CUEDC1: variants seen among roughly 807,000 people sequenced by gnomAD.
CUEDC1 encodes CUE domain containing 1.
Under a neutral mutation model 43.7 loss-of-function variants are expected in CUEDC1, and 30 were observed. That is an observed-to-expected ratio of 0.69 (90% confidence interval 0.51 to 0.93). CUEDC1 has a LOEUF of 0.93. Ranked by LOEUF, CUEDC1 falls within the 40% of genes least tolerant of loss-of-function variation. CUEDC1 has a pLI of 0.00. For missense variants in CUEDC1, 486 were observed against 549.0 expected (o/e 0.89, Z 1.15); for synonymous variants, 223 against 223.6 (o/e 1.00, Z 0.02).
rs2074282429 is a variant in CUEDC1, at chr17:57,885,761, G to T, written c.-197C>A. The stretch of plus-strand genomic sequence containing the variant: ...GAGTACGGGCGCGGGGCCCCAGGCA[G>T]CCCTTGGAGAGCGGTCCTCGCGGGG... On this transcript the variant is annotated 5_prime_UTR_variant, in exon 2 of 11. In the 5' UTR this introduces an upstream ATG that the reference lacks. Transcript: ENST00000577830. 2 of 826,682 alleles carry T rather than the reference G, an allele frequency of 2.4e-6. No individual in the cohort carries two copies. Among genetic ancestry groups the T allele is most frequent in the Non-Finnish European group, 3.3e-6 (2 of 614,354 alleles). 51.2% of individuals were successfully genotyped at this position (826,682 alleles called of 1,614,324 possible). A position where few individuals can be genotyped will look rare whatever the true frequency, so the allele number is the denominator to read the frequency against.
intron 1 of CUEDC1, among the ~76,000 whole-genome samples, chr17:57,929,178 C>T (rs1443361045): frequency 6.6e-6 from 1 of 152,130 alleles, no homozygotes; most frequent in African/African-American, 2.4e-5. Context: ...TATTATCAAG[C>T]CCAAATTCTG....
At chr17:57,915,357 A>G (rs1189440782) in intron 1 of CUEDC1, among the ~76,000 whole-genome samples, 1 of 151,950 alleles carries the variant, frequency 6.6e-6, no homozygotes, top group Non-Finnish European at 1.5e-5. Context: ...CCCCTCAGGC[A>G]ACTGGGCTCT....
intron 2 of CUEDC1, among the ~76,000 whole-genome samples, chr17:57,882,709 G>A (rs1051037877): frequency 6.6e-5 from 10 of 152,154 alleles, no homozygotes; most frequent in Non-Finnish European, 7.4e-5. Context: ...GTGAGAAGAT[G>A]AGGATGAAGC....
chr17:57,931,658 A>G (rs762613662), intron 1 of CUEDC1, among the ~76,000 whole-genome samples: 9 of 152,106 alleles, frequency 5.9e-5, no homozygotes, highest in Admixed American at 1.3e-4. Flanking sequence ...TGGCTGACAG[A>G]TCTCCTTCTC....
In CUEDC1 at chr17:57,930,016, T is replaced by G. The variant is rs1358028422; in HGVS notation, c.-316+25209A>C. ...CAGGGTTTCACCATGTTTGTCGGGCTGGTATCGAACTCCTGCCCTCAGGTG... is the reference window on the plus strand; with the variant it reads ...CAGGGTTTCACCATGTTTGTCGGGCGGGTATCGAACTCCTGCCCTCAGGTG... On this transcript the variant is annotated intron_variant, in intron 1 of 10. Coordinates refer to ENST00000577830, the MANE Select transcript of CUEDC1 (RefSeq NM_001271875.2). This position sits in a 1 kb window ranked among gnomAD's most constrained non-coding sequence, Gnocchi z 4.2. Among the ~76,000 whole-genome samples, 1 of 152,174 alleles carries G rather than the reference T, an allele frequency of 6.6e-6. No homozygotes were observed. Among genetic ancestry groups the G allele is most frequent in the Admixed American group, 6.5e-5 (1 of 15,268 alleles).
At chr17:57,888,045 C>T (rs761541384) in intron 1 of CUEDC1, among the ~76,000 whole-genome samples, 36 of 151,224 alleles carry the variant, frequency 2.4e-4, no homozygotes, top group Non-Finnish European at 2.9e-4. Context: ...GGACTACAGG[C>T]ACGTGCCACC....
chr17:57,929,309 A>G (rs993005818), intron 1 of CUEDC1, among the ~76,000 whole-genome samples: 1 of 152,114 alleles, frequency 6.6e-6, no homozygotes. Flanking sequence ...AGCCCCAGAG[A>G]GGTTAAACAG....
chr17:57,881,194 A>G (rs556247327), intron 2 of CUEDC1, among the ~76,000 whole-genome samples: 1 of 152,246 alleles, frequency 6.6e-6, no homozygotes, highest in South Asian at 2.1e-4. Context: ...ACACGCGCAC[A>G]TGCACACACA....
intron 1 of CUEDC1, among the ~76,000 whole-genome samples, chr17:57,917,388 TGTG>T (rs1486926623): frequency 1.3e-5 from 2 of 152,226 alleles, no homozygotes; most frequent in Admixed American, 1.3e-4. Flanking sequence ...ACTTAGCACA[TGTG>T]GTCATCCTGG....
chr17:57,928,064 C>T (rs973414942), intron 1 of CUEDC1, among the ~76,000 whole-genome samples: 2 of 152,220 alleles, frequency 1.3e-5, no homozygotes, highest in Non-Finnish European at 2.9e-5. Flanking sequence ...AGTGGAAACA[C>T]GCCTTGTGAA....
At chr17:57,889,509 T>G (rs2074333381) in intron 1 of CUEDC1, among the ~76,000 whole-genome samples, 1 of 152,218 alleles carries the variant, frequency 6.6e-6, no homozygotes, top group African/African-American at 2.4e-5. Flanking sequence ...AGCATCCTTG[T>G]GGGGACCACA....
chr17:57,876,919 G>C (rs540966318), intron 3 of CUEDC1, among the ~76,000 whole-genome samples: 1 of 152,348 alleles, frequency 6.6e-6, no homozygotes, highest in African/African-American at 2.4e-5. Context: ...CCTCCTAACA[G>C]TGCTAAGGTG....
chr17:57,924,384 G>A (rs1426519086), intron 1 of CUEDC1, among the ~76,000 whole-genome samples: 4 of 152,128 alleles, frequency 2.6e-5, no homozygotes, highest in Non-Finnish European at 4.4e-5. Context: ...GATTATAGGC[G>A]TGAGCCACCG....
At chr17:57,944,026 T>C (rs1008019103) in intron 1 of CUEDC1, among the ~76,000 whole-genome samples, 10 of 152,072 alleles carry the variant, frequency 6.6e-5, no homozygotes, top group African/African-American at 2.2e-4. Context: ...CAGTGTGACC[T>C]TACGCAAGTT....
intron 10 of CUEDC1, among the ~76,000 whole-genome samples, chr17:57,865,897 A>C (rs1224578266): frequency 6.7e-6 from 1 of 148,716 alleles, no homozygotes; most frequent in Non-Finnish European, 1.5e-5. Context: ...ATCTCAGCTC[A>C]CTGCCACCTC....
chr17:57,942,075 C>T (rs77469926), intron 1 of CUEDC1, among the ~76,000 whole-genome samples: 15,329 of 152,186 alleles, frequency 0.1, 944 homozygotes, highest in Non-Finnish European at 0.13. Context: ...GGACCCCAGG[C>T]TCGGCTCAGA....
chr17:57,885,221 G>A lies in CUEDC1; in HGVS notation c.336+8C>T, dbSNP rs1298957207. The stretch of plus-strand genomic sequence containing the variant: ...TGGTGGTTGGAATTACCCGGGCTGC[G>A]CCCCTACCTCCGGGGGGATGCTGTC... On this transcript the variant is annotated splice_region_variant and intron_variant, in intron 2 of 10. Transcript: ENST00000577830. 2.6e-6 allele frequency: 4 copies of A among 1,555,440 alleles called. No homozygotes were observed. Among genetic ancestry groups the A allele is most frequent in the African/African-American group, 2.8e-5 (2 of 72,450 alleles).
chr17:57,930,785 G>T lies in CUEDC1; in HGVS notation c.-316+24440C>A, dbSNP rs2074796315. 6.6e-6 allele frequency among the ~76,000 whole-genome samples: 1 copy of T among 152,218 alleles called. No homozygotes were observed. Among genetic ancestry groups the T allele is most frequent in the Admixed American group, 6.5e-5 (1 of 15,282 alleles). ...GTGGCCAACACAGGAGGGCAGAAAT[G>T]ACCCCTCTGTGACCGCTCCTGTAGC... On this transcript the variant is annotated intron_variant, in intron 1 of 10. Coordinates refer to ENST00000577830, the MANE Select transcript of CUEDC1 (RefSeq NM_001271875.2). This position sits in a 1 kb window ranked among gnomAD's most constrained non-coding sequence, Gnocchi z 4.2.
chr17:57,867,339 A>T lies in CUEDC1; in HGVS notation c.1093+18T>A. 6.5e-7 allele frequency: 1 copy of T among 1,549,662 alleles called. No individual in the cohort carries two copies. The highest frequency in any genetic ancestry group is 8.7e-7 in the Non-Finnish European group (1 of 1,145,938). On this transcript the variant is annotated intron_variant, in intron 9 of 10. Transcript: ENST00000577830. ...GATCATAGAGAAGTTGGAGCTTACG[A>T]CTCCCCTCCAGCCTCACCACACGCG...
Sources: gnomAD v4.1 joint callset for allele counts (sites outside exome capture counted in the v4.1 genomes callset) on GRCh38, gnomAD v4.1.1 for gene constraint, Gnocchi (gnomAD v3.1) non-coding constraint, MANE v1.5 for transcripts, NCBI Gene and HGNC (gene_info 2026-07-23, HGNC 2026-07-21) for gene names.